Variants in CEP350 observed in about 807,000 individuals in gnomAD.
CEP350 encodes centrosome-associated protein 350.
CEP350 carries 126 observed loss-of-function variants against 331.8 expected under a neutral mutation model. The ratio of observed to expected loss-of-function variants is 0.38; its 90% CI spans 0.33 to 0.44. CEP350 has a LOEUF of 0.44. CEP350 is among the 20% of genes least tolerant of loss of function. CEP350 has a pLI of 1.00. For synonymous variants in CEP350, 1,200 were observed against 1,259.5 expected (o/e 0.95, Z 1.00); for missense variants, 3,406 against 3,634.6 (o/e 0.94, Z 1.62).
chr1:179,989,460 G>C (rs542935550), intron 3 of CEP350, among the ~76,000 whole-genome samples: 2 of 141,356 alleles, frequency 1.4e-5, no homozygotes, highest in Non-Finnish European at 3.0e-5. Context: ...TCCAGCCTGG[G>C]TGACAGAGTG....
chr1:180,005,733 C>T (rs749260752), intron 7 of CEP350, among the ~76,000 whole-genome samples: 2 of 152,094 alleles, frequency 1.3e-5, no homozygotes, highest in East Asian at 1.9e-4. Flanking sequence ...TGTCTCTGAC[C>T]GTAGTTCCTA....
Position 179,954,947 on chromosome 1 carries a change from A to T in CEP350, c.-209A>T. On this transcript the variant is annotated 5_prime_UTR_variant, in exon 1 of 38. Transcript: ENST00000367607. ...TGGCTTGCCCTGAGGGAGGGGAGGC[A>T]GCCTTTCCGCCTTGTCTTCCTTCCC... 9.8e-7 allele frequency: 1 copy of T among 1,016,244 alleles called. No homozygotes were observed. Among genetic ancestry groups the T allele is most frequent in the Non-Finnish European group, 1.3e-6 (1 of 761,944 alleles). The allele number at this position is 1,016,244 out of a possible 1,614,324, so 63.0% of individuals were successfully genotyped here. A position where few individuals can be genotyped will look rare whatever the true frequency, so the allele number is the denominator to read the frequency against.
At chr1:179,963,540 T>G (rs1282461331) in intron 1 of CEP350, among the ~76,000 whole-genome samples, 1 of 152,034 alleles carries the variant, frequency 6.6e-6, no homozygotes, top group Non-Finnish European at 1.5e-5. Flanking sequence ...GCTAGCCAGT[T>G]TTTTTGTGTG....
At chr1:179,993,280 T>G (rs112893718) in intron 5 of CEP350, among the ~76,000 whole-genome samples, 1,588 of 152,214 alleles carry the variant, frequency 0.01, 29 homozygotes, top group African/African-American at 0.034. Flanking sequence ...TAATCGAAGT[T>G]TAGAATCTCT....
intron 31 of CEP350, among the ~76,000 whole-genome samples, chr1:180,086,448 A>G (rs977831859): frequency 6.6e-6 from 1 of 152,110 alleles, no homozygotes; most frequent in Non-Finnish European, 1.5e-5. Context: ...GTGCCATACG[A>G]TCCATCTCTT....
At chr1:180,097,092 T>C (rs567583914) in intron 36 of CEP350, among the ~76,000 whole-genome samples, 78 of 152,360 alleles carry the variant, frequency 5.1e-4, no homozygotes, top group Admixed American at 1.3e-3. Context: ...TTTATACTTA[T>C]AGAACACCAA....
Position 180,092,705 on chromosome 1 carries a change from A to C in CEP350, c.6600A>C (p.Glu2200Asp), listed in dbSNP as rs766364572. The C allele has an allele frequency of 2.5e-6, 4 of 1,612,488 alleles. No homozygotes were observed. Among genetic ancestry groups the C allele is most frequent in the Non-Finnish European group, 3.4e-6 (4 of 1,179,114 alleles). Residue 2200 changes from glutamate to aspartate, a missense_variant, in exon 34 of 38, where the codon GAA becomes GAC. Coordinates refer to ENST00000367607, the MANE Select transcript of CEP350 (RefSeq NM_014810.5). The part of the protein sequence containing the change: ...KRVNEWDSRT[E>D]DFQTPSPVLR... ...TAAATGAATGGGACAGTCGAACAGAAGATTTTCAGACCCCATCTCCAGTTC... is the reference window on the plus strand; with the variant it reads ...TAAATGAATGGGACAGTCGAACAGACGATTTTCAGACCCCATCTCCAGTTC...
chr1:180,047,377 A>C (rs1405275501), intron 21 of CEP350, among the ~76,000 whole-genome samples: 1 of 152,174 alleles, frequency 6.6e-6, no homozygotes, highest in South Asian at 2.1e-4. Context: ...AGGGAAGGGC[A>C]AAGATAATGA....
chr1:179,977,939 AT>A (rs1167408685), intron 1 of CEP350, among the ~76,000 whole-genome samples: 6 of 150,540 alleles, frequency 4.0e-5, no homozygotes, highest in Admixed American at 6.6e-5. Flanking sequence ...CTTTAAAAAT[AT>A]TTTTATCTAT....
intron 21 of CEP350, 145 bp downstream of exon 21, chr1:180,044,318 A>G: frequency 2.8e-6 from 2 of 722,038 alleles, no homozygotes; most frequent in South Asian, 2.9e-5. Context: ...TAATTAGCCA[A>G]TTTACAAAAT....
Position 179,955,107 on chromosome 1 carries a change from C to T in CEP350, c.-49C>T. 2 of 1,473,430 alleles carry T rather than the reference C, an allele frequency of 1.4e-6. No individual in the cohort carries two copies. The highest frequency in any genetic ancestry group is 9.0e-7 in the Non-Finnish European group (1 of 1,115,220). The allele number at this position is 1,473,430 out of a possible 1,614,324, so 91.3% of individuals were successfully genotyped here. A position where few individuals can be genotyped will look rare whatever the true frequency, so the allele number is the denominator to read the frequency against. ...ACCCTCCGCCAGGCTCCGCGGGATG[C>T]ACCGTGGTAGCCGAGGGCGGAGGCG... On this transcript the variant is annotated 5_prime_UTR_variant, in exon 1 of 38. Transcript: ENST00000367607.
Position 180,006,586 on chromosome 1 carries a change from T to C in CEP350, c.1246+19T>C, listed in dbSNP as rs745751392. On this transcript the variant is annotated intron_variant, in intron 8 of 37. Transcript: ENST00000367607. ...AGAACAGGTTAGTTTTCTCAACATGTCCATCCTTTTTTTTTGTTTTTAATT... is the reference window on the plus strand; with the variant it reads ...AGAACAGGTTAGTTTTCTCAACATGCCCATCCTTTTTTTTTGTTTTTAATT... 1 of 1,167,364 alleles carries C rather than the reference T, an allele frequency of 8.6e-7. No homozygotes were observed. Among genetic ancestry groups the C allele is most frequent in the Non-Finnish European group, 1.2e-6 (1 of 808,908 alleles). The allele number at this position is 1,167,364 out of a possible 1,614,324, so 72.3% of individuals were successfully genotyped here.
chr1:180,062,702 C>T (rs1658299597), intron 26 of CEP350, among the ~76,000 whole-genome samples: 2 of 152,180 alleles, frequency 1.3e-5, no homozygotes, highest in African/African-American at 4.8e-5. Flanking sequence ...GACAAGGGGG[C>T]TGAGTGTGCT....
intron 32 of CEP350, among the ~76,000 whole-genome samples, chr1:180,090,453 G>T (rs565953755): frequency 6.7e-6 from 1 of 148,774 alleles, no homozygotes; most frequent in East Asian, 2.0e-4. Context: ...GGCTGAGGCA[G>T]GAGAATGGCG....
intron 30 of CEP350, 142 bp downstream of exon 30, chr1:180,080,803 T>A: frequency 1.4e-6 from 1 of 714,168 alleles, no homozygotes; most frequent in Non-Finnish European, 2.4e-6. Flanking sequence ...AGAAGATTAA[T>A]ACCATATTGA....
chr1:180,014,628 C>G, intron 10 of CEP350, 123 bp downstream of exon 10: 1 of 888,226 alleles, frequency 1.1e-6, no homozygotes, highest in Non-Finnish European at 1.6e-6. Context: ...TAATCATGGC[C>G]TTCATGAAAT....
At chr1:180,096,628 T>G (rs1434831236) in intron 36 of CEP350, among the ~76,000 whole-genome samples, 1 of 152,208 alleles carries the variant, frequency 6.6e-6, no homozygotes, top group Non-Finnish European at 1.5e-5. Context: ...AGGTGTTAAC[T>G]TCTTTATCTT....
At chr1:180,069,333 T>C (rs76529295) in intron 27 of CEP350, among the ~76,000 whole-genome samples, 2,410 of 152,318 alleles carry the variant, frequency 0.016, 53 homozygotes, top group South Asian at 0.071. Flanking sequence ...GTACTTATTA[T>C]AGTGTCTGAT....
In CEP350 at chr1:179,955,160, C is replaced by A. The variant is rs1270252726; in HGVS notation, c.-14+18C>A. The A allele has an allele frequency of 2.1e-6, 3 of 1,418,272 alleles. No individual in the cohort carries two copies. The highest frequency in any genetic ancestry group is 1.9e-6 in the Non-Finnish European group (2 of 1,079,598). 87.9% of individuals were successfully genotyped at this position (1,418,272 alleles called of 1,614,324 possible). On this transcript the variant is annotated intron_variant, in intron 1 of 37. Coordinates refer to ENST00000367607, the MANE Select transcript of CEP350 (RefSeq NM_014810.5). ...ACTCTCAGGTGAGCTCCTGTAGGACCTGGCTGGGACCGCGGAGTCTCGCTC... is the reference window on the plus strand; with the variant it reads ...ACTCTCAGGTGAGCTCCTGTAGGACATGGCTGGGACCGCGGAGTCTCGCTC...
Sources: gnomAD v4.1 joint callset for allele counts (sites outside exome capture counted in the v4.1 genomes callset) on GRCh38, gnomAD v4.1.1 for gene constraint, MANE v1.5 for transcripts, NCBI Gene and HGNC (gene_info 2026-07-23, HGNC 2026-07-21) for gene names.